CYP24A1: variants seen among roughly 807,000 people sequenced by gnomAD.
CYP24A1 encodes 1,25-dihydroxyvitamin D(3) 24-hydroxylase, mitochondrial.
In CYP24A1, 68 loss-of-function variants were observed where a neutral mutation model predicts 62.4. That is an observed-to-expected ratio of 1.09 (90% CI 0.90 to 1.33). CYP24A1 has a LOEUF of 1.33. Among genes scored for constraint, CYP24A1 ranks in the 40% most tolerant of loss-of-function variants. The probability of loss-of-function intolerance (pLI) is 0.00; values close to 1 mark genes in which losing one functional copy is unlikely to be tolerated. For missense variants in CYP24A1, 787 were observed against 653.0 expected, an observed-to-expected ratio of 1.21 and a Z score of -2.24; for synonymous variants, 267 against 253.0, an observed-to-expected ratio of 1.06 and a Z score of -0.52.
intron 2 of CYP24A1, chr20:54,171,931 G>C (rs976112625): frequency 1.2e-6 from 1 of 820,694 alleles, no homozygotes. Flanking sequence ...AGATAATTTG[G>C]GTTCAGGGAT....
At chr20:54,161,818 T>C (rs1396748095) in intron 7 of CYP24A1, among the ~76,000 whole-genome samples, 1 of 152,188 alleles carries the variant, frequency 6.6e-6, no homozygotes, top group Non-Finnish European at 1.5e-5. Flanking sequence ...AGAACCTCGC[T>C]ATCTCCTGAT....
In CYP24A1 at chr20:54,171,471, C is replaced by A. The variant is rs368481514; in HGVS notation, c.543+106G>T. 2.1e-5 allele frequency: 34 copies of A among 1,604,886 alleles called. No individual in the cohort carries two copies. The East Asian group carries it at 2.9e-4, about 14-fold the overall frequency. On this transcript the variant is annotated intron_variant, in intron 3 of 11. Coordinates refer to ENST00000216862, the MANE Select transcript of CYP24A1 (RefSeq NM_000782.5). ...GAGAAGACCCCCACTTTGAATCACC[C>A]GAATTGCATTCTTTTTTCCTTTGTT...
At chr20:54,156,237 C>T (rs532373375) in intron 11 of CYP24A1, among the ~76,000 whole-genome samples, 5 of 152,118 alleles carry the variant, frequency 3.3e-5, no homozygotes, top group South Asian at 2.1e-4. Flanking sequence ...CCCTGGAACA[C>T]GTGAATATAC....
downstream of CYP24A1, among the ~76,000 whole-genome samples, chr20:54,152,639 C>G (rs1383364400): frequency 6.6e-6 from 1 of 152,186 alleles, no homozygotes; most frequent in Non-Finnish European, 1.5e-5. Context: ...ATTTAAGGAA[C>G]AGCAGAAACT....
At chr20:54,149,214 C>G (rs2092608969), downstream of CYP24A1, among the ~76,000 whole-genome samples, 1 of 152,154 alleles carries the variant, frequency 6.6e-6, no homozygotes, top group Non-Finnish European at 1.5e-5. Context: ...GGACTCGTGC[C>G]AAGTTGTAAA....
chr20:54,173,162 C>A lies in CYP24A1; in HGVS notation c.259-63G>T. 6.3e-7 allele frequency: 1 copy of A among 1,577,266 alleles called. No individual in the cohort carries two copies. The highest frequency in any genetic ancestry group is 8.6e-7 in the Non-Finnish European group (1 of 1,157,970). On this transcript the variant is annotated intron_variant, in intron 1 of 11. Transcript: ENST00000216862. The surrounding 1 kb of genome is among the most constrained non-coding windows in gnomAD (Gnocchi z 7.2). ...TCCTCCGCCGTGCCCGAAGCGCTTTCCCTCCTCCCGCCTCCTTCCTCCTAG... is the reference window on the plus strand; with the variant it reads ...TCCTCCGCCGTGCCCGAAGCGCTTTACCTCCTCCCGCCTCCTTCCTCCTAG...
chr20:54,162,950 T>C, intron 6 of CYP24A1, 88 bp from the exon 7 acceptor site: 2 of 788,058 alleles, frequency 2.5e-6, no homozygotes, highest in East Asian at 4.9e-5. Flanking sequence ...AAACTCCTTC[T>C]TGCAATATCT....
rs2092693989 is a variant in CYP24A1 at position 54,171,592 on chromosome 20, G to A, written c.528C>T (p.Asp176=). The A allele has an allele frequency of 3.1e-6, 5 of 1,613,812 alleles. No individual in the cohort carries two copies. In the East Asian group the frequency reaches 1.1e-4, roughly 36 times the overall value. ...GCCTGCAGACCTCATTGATTTTGTT[G>A]TCCAGCTTCATCACTTCCCCTGGTT... ...LMKPGEVMKL[D]NKINEVLADF... is the part of the protein sequence containing the mutation. The change falls in exon 3 of 12, where the codon GAC becomes GAT. Residue 176 remains aspartate, a synonymous_variant. Coordinates refer to ENST00000216862, the MANE Select transcript of CYP24A1 (RefSeq NM_000782.5).
At chr20:54,162,241 T>G (rs1436438953) in intron 7 of CYP24A1, among the ~76,000 whole-genome samples, 1 of 144,904 alleles carries the variant, frequency 6.9e-6, no homozygotes, top group Non-Finnish European at 1.5e-5. Flanking sequence ...TTTTTTTTTT[T>G]TTTTTTTTTT....
chr20:54,157,793 C>T (rs2092634850), intron 9 of CYP24A1, among the ~76,000 whole-genome samples: 1 of 152,180 alleles, frequency 6.6e-6, no homozygotes, highest in Admixed American at 6.5e-5. Flanking sequence ...CTCACAACCA[C>T]CCTGCGCAGC....
At chr20:54,152,380 CAA>C (rs549578429), downstream of CYP24A1, among the ~76,000 whole-genome samples, 37 of 152,230 alleles carry the variant, frequency 2.4e-4, no homozygotes, top group Non-Finnish European at 4.8e-4. Flanking sequence ...GAACTTCACT[CAA>C]AACCACACGC....
intron 7 of CYP24A1, among the ~76,000 whole-genome samples, chr20:54,162,151 C>T (rs184636139): frequency 4.7e-5 from 7 of 150,432 alleles, no homozygotes; most frequent in Non-Finnish European, 8.8e-5. Context: ...CCACTTGTCC[C>T]AGACTCTTTG....
chr20:54,168,973 CT>C (rs1428339787), intron 4 of CYP24A1, among the ~76,000 whole-genome samples: 1 of 151,716 alleles, frequency 6.6e-6, no homozygotes, highest in Non-Finnish European at 1.5e-5. Context: ...TCACGGCTCA[CT>C]TTAGCTTCAG....
At chr20:54,146,212 G>T in the CYP24A1 span, among the ~76,000 whole-genome samples, 1 of 152,146 alleles carries the variant, frequency 6.6e-6, no homozygotes, top group African/African-American at 2.4e-5. Flanking sequence ...TGTGGTTTTT[G>T]CCATTACTTT....
rs1021839181 is a variant in CYP24A1, at chr20:54,173,513, G to A, written c.67C>T (p.Gln23Ter). The change falls in exon 1 of 12, where the codon CAG becomes TAG. Residue 23 changes from glutamine (Q) to a stop codon, truncating the protein, a stop_gained. Transcript: ENST00000216862. LOFTEE classifies it high-confidence loss of function. The surrounding 1 kb of genome is among the most constrained non-coding windows in gnomAD (Gnocchi z 7.2). Reference protein sequence around the residue: ...AFLQQLRSPRQPPRLVTSTAY... With the variant: ...AFLQQLRSPR ...GTAGATGTCACCAGTCTCGGGGGCT[G>A]CCTCGGACTGCGCAGCTGCTGCAGG... is the stretch of plus-strand genomic sequence containing the variant. 2 of 1,567,832 alleles carry A rather than the reference G, an allele frequency of 1.3e-6. No individual in the cohort carries two copies. The highest frequency in any genetic ancestry group is 1.4e-5 in the African/African-American group (1 of 74,060).
the CYP24A1 span, among the ~76,000 whole-genome samples, chr20:54,146,201 T>C: frequency 6.6e-6 from 1 of 152,210 alleles, no homozygotes; most frequent in African/African-American, 2.4e-5. Context: ...GCAAAAGCGA[T>C]TGTGGTTTTT....
chr20:54,153,191 T>C (rs1396162511), downstream of CYP24A1, among the ~76,000 whole-genome samples: 1 of 151,972 alleles, frequency 6.6e-6, no homozygotes, highest in Non-Finnish European at 1.5e-5. Flanking sequence ...GTGTGACTGA[T>C]TGTGTGATTG....
intron 7 of CYP24A1, among the ~76,000 whole-genome samples, chr20:54,160,816 A>G (rs2092647594): frequency 2.0e-5 from 3 of 152,206 alleles, no homozygotes; most frequent in Admixed American, 2.0e-4. Flanking sequence ...AAGCCACGTA[A>G]GGCAGTCTGA....
intron 4 of CYP24A1, among the ~76,000 whole-genome samples, chr20:54,166,966 G>A (rs1601140249): frequency 6.6e-6 from 1 of 152,012 alleles, no homozygotes; most frequent in East Asian, 1.9e-4. Flanking sequence ...TTGGGCCCAG[G>A]AGGCCGAGGT....
Sources: allele counts gnomAD v4.1 joint callset (sites outside exome capture counted in the v4.1 genomes callset), GRCh38; gene constraint gnomAD v4.1.1; non-coding constraint Gnocchi (gnomAD v3.1); transcripts MANE v1.5; gene names NCBI Gene and HGNC (gene_info 2026-07-23, HGNC 2026-07-21).